The following TNNI3K variants were observed in gnomAD, a reference collection of about 807,000 sequenced individuals.
TNNI3K encodes the protein TNNI3 interacting kinase, also known as serine/threonine-protein kinase TNNI3K.
A neutral mutation model predicts 114.5 loss-of-function variants in TNNI3K; 140 were observed. The ratio of observed to expected loss-of-function variants is 1.22; its 90% CI spans 1.07 to 1.41. The LOEUF (loss-of-function observed/expected upper bound fraction) is 1.41, where lower values mean the gene tolerates loss of function less well. Ranked by LOEUF, TNNI3K falls within the 40% of genes most tolerant of loss-of-function variation. The probability of loss-of-function intolerance (pLI) is 0.00; values close to 1 mark genes in which losing one functional copy is unlikely to be tolerated. For missense variants in TNNI3K, 1,125 were observed against 1,007.6 expected (o/e 1.12, Z -1.58); for synonymous variants, 347 against 347.5 (o/e 1.00, Z 0.02).
intron 5 of TNNI3K, among the ~76,000 whole-genome samples, chr1:74,316,834 C>A (rs1014702957): frequency 4.0e-5 from 6 of 149,426 alleles, no homozygotes; most frequent in Non-Finnish European, 7.4e-5. Context: ...GGACTACAGG[C>A]GCCTGCCACC....
intron 2 of TNNI3K, among the ~76,000 whole-genome samples, chr1:74,236,502 C>G (rs986886366): frequency 3.3e-5 from 5 of 151,798 alleles, no homozygotes; most frequent in Non-Finnish European, 7.4e-5. Flanking sequence ...CAGTAATCTT[C>G]TCAGGAATTA....
chr1:74,418,157 C>T (rs545373744), intron 17 of TNNI3K: 61 of 452,746 alleles, frequency 1.3e-4, no homozygotes, highest in Non-Finnish European at 2.4e-4. Context: ...CCTTTTCACC[C>T]TCTCCTATAG....
chr1:74,363,254 A>G (rs1005630540), intron 11 of TNNI3K, among the ~76,000 whole-genome samples: 1 of 151,890 alleles, frequency 6.6e-6, no homozygotes, highest in Non-Finnish European at 1.5e-5. Context: ...CATGTACTTT[A>G]GTGGCTTGTC....
chr1:74,417,029 A>T (rs1665150695), intron 17 of TNNI3K, among the ~76,000 whole-genome samples: 1 of 152,134 alleles, frequency 6.6e-6, no homozygotes. Flanking sequence ...CTGAATGTTT[A>T]AAAGATATCT....
intron 5 of TNNI3K, among the ~76,000 whole-genome samples, chr1:74,307,946 AG>A (rs1370827912): frequency 6.6e-6 from 1 of 152,120 alleles, no homozygotes; most frequent in Non-Finnish European, 1.5e-5. Flanking sequence ...CTGAGGACAG[AG>A]CAAGACTCCA....
intron 17 of TNNI3K, among the ~76,000 whole-genome samples, chr1:74,404,734 G>C (rs1050862295): frequency 1.3e-5 from 2 of 152,080 alleles, no homozygotes; most frequent in African/African-American, 4.8e-5. Context: ...ACTTCTCTAT[G>C]CTTCATCCTC....
intron 3 of TNNI3K, among the ~76,000 whole-genome samples, chr1:74,249,926 T>C (rs913714508): frequency 1.3e-5 from 2 of 152,164 alleles, no homozygotes; most frequent in Non-Finnish European, 2.9e-5. Flanking sequence ...AAGTGATAAA[T>C]GCCAAAGATA....
chr1:74,463,471 A>G lies in TNNI3K; in HGVS notation c.2042A>G (p.His681Arg). 4 of 1,614,198 alleles carry G rather than the reference A, an allele frequency of 2.5e-6. No homozygotes were observed. The highest frequency in any genetic ancestry group is 3.4e-6 in the Non-Finnish European group (4 of 1,180,038). Residue 681 changes from histidine to arginine, a missense_variant, in exon 21 of 25, where the codon CAC (histidine) becomes CGC (arginine). His to Arg is a conservative substitution (Grantham distance 29). Transcript: ENST00000326637. ...GCGGCAGCAGACATGGCTTACCACC[A>G]CATCAGACCTCCCATTGGCTATTCC... ...AAAAADMAYH[H>R]IRPPIGYSIP...
intron 5 of TNNI3K, among the ~76,000 whole-genome samples, chr1:74,301,084 T>C (rs1000473639): frequency 2.0e-5 from 3 of 152,130 alleles, no homozygotes; most frequent in Non-Finnish European, 2.9e-5. Flanking sequence ...CATACACATA[T>C]TTCTCTCTTA....
At chr1:74,297,302 CCT>C (rs1658047175) in intron 5 of TNNI3K, among the ~76,000 whole-genome samples, 1 of 152,122 alleles carries the variant, frequency 6.6e-6, no homozygotes, top group African/African-American at 2.4e-5. Context: ...TGGTATTCCC[CCT>C]GATATTCGTA....
chr1:74,236,550 G>A (rs1653870771), intron 2 of TNNI3K, among the ~76,000 whole-genome samples: 1 of 151,746 alleles, frequency 6.6e-6, no homozygotes, highest in Non-Finnish European at 1.5e-5. Context: ...TGAAAAGCAA[G>A]ATTTTTCTTC....
At chr1:74,442,975 G>T (rs988709566) in intron 20 of TNNI3K, among the ~76,000 whole-genome samples, 1 of 152,102 alleles carries the variant, frequency 6.6e-6, no homozygotes, top group African/African-American at 2.4e-5. Context: ...TGAGAACAAA[G>T]AGACAACATA....
rs548315864 is a variant in TNNI3K, at chr1:74,246,371, C to T, written c.150-3088C>T. ...GACTTCAAATAGTAGAGGTATTCAG[C>T]GGAGCTGAACTCTGCCTTTCAAGCT... On this transcript the variant is annotated intron_variant, in intron 2 of 24. Transcript: ENST00000326637. Among the ~76,000 whole-genome samples, 151 of 152,306 alleles carry T rather than the reference C, an allele frequency of 9.9e-4. No individual in the cohort carries two copies. The Middle Eastern group carries it at 0.02, about 21-fold the overall frequency.
intron 17 of TNNI3K, among the ~76,000 whole-genome samples, chr1:74,391,954 A>ATTTTTTTTTTTTTTT (rs1557539031): frequency 2.4e-4 from 22 of 93,258 alleles, no homozygotes; most frequent in African/African-American, 1.2e-3. Context: ...GGTACAGCTT[A>ATTTTTTTTTTTTTTT]TTATTTTTTT....
At chr1:74,435,858 C>A (rs910216007) in intron 17 of TNNI3K, among the ~76,000 whole-genome samples, 14 of 151,924 alleles carry the variant, frequency 9.2e-5, no homozygotes, top group Non-Finnish European at 1.9e-4. Context: ...AGTAGGAATT[C>A]TTTATACATT....
chr1:74,442,771 C>G (rs556764407), intron 20 of TNNI3K, among the ~76,000 whole-genome samples: 4 of 152,078 alleles, frequency 2.6e-5, no homozygotes, highest in Non-Finnish European at 5.9e-5. Flanking sequence ...AAGTAAAACA[C>G]TCCTAAGCCA....
At chr1:74,443,885 A>G (rs966240692) in intron 20 of TNNI3K, among the ~76,000 whole-genome samples, 3 of 152,244 alleles carry the variant, frequency 2.0e-5, no homozygotes, top group African/African-American at 7.2e-5. Context: ...AATTCATCAC[A>G]TAAACAGAAC....
chr1:74,249,665 C>T (rs1278093458), intron 3 of TNNI3K, 121 bp downstream of exon 3: 4 of 850,742 alleles, frequency 4.7e-6, no homozygotes, highest in Non-Finnish European at 6.7e-6. Flanking sequence ...TCTGCTTTGC[C>T]TTTTCCAACC....
intron 9 of TNNI3K, among the ~76,000 whole-genome samples, chr1:74,352,408 G>A (rs1009791489): frequency 2.6e-5 from 4 of 151,768 alleles, no homozygotes; most frequent in South Asian, 2.1e-4. Context: ...TAGGCTACTC[G>A]GGGGTCAGGG....
Sources: gnomAD v4.1 joint callset for allele counts (sites outside exome capture counted in the v4.1 genomes callset) on GRCh38, gnomAD v4.1.1 for gene constraint, MANE v1.5 for transcripts, NCBI Gene and HGNC (gene_info 2026-07-23, HGNC 2026-07-21) for gene names.